Variants in CFAP221 observed in about 807,000 individuals in gnomAD.
The protein encoded by CFAP221 is cilia- and flagella-associated protein 221.
A neutral mutation model predicts 113.1 loss-of-function variants in CFAP221; 97 were observed. The observed-to-expected ratio is 0.86, with a 90% CI of 0.73 to 1.02. The LOEUF is 1.02. Among genes scored for constraint, CFAP221 ranks in the 50% least tolerant of loss-of-function variants. The pLI is 0.00. For missense variants in CFAP221, 1,025 were observed against 1,013.4 expected, an observed-to-expected ratio of 1.01 and a Z score of -0.16; for synonymous variants, 331 against 354.4, an observed-to-expected ratio of 0.93 and a Z score of 0.74.
chr2:119,587,038 T>C, intron 6 of CFAP221, 81 bp from the exon 7 acceptor site: 1 of 1,023,786 alleles, frequency 9.8e-7, no homozygotes, highest in Middle Eastern at 3.0e-4. Flanking sequence ...TTACGTAACT[T>C]GAGTCTCCAT....
At chr2:119,605,964 C>T (rs1437645459) in intron 11 of CFAP221, among the ~76,000 whole-genome samples, 2 of 152,094 alleles carry the variant, frequency 1.3e-5, no homozygotes. Context: ...GTGGAAACTA[C>T]TGAAATGTCT....
intron 8 of CFAP221, 154 bp downstream of exon 8, chr2:119,601,531 G>A: frequency 1.5e-6 from 1 of 677,374 alleles, no homozygotes; most frequent in Non-Finnish European, 2.3e-6. Flanking sequence ...AAACATAACA[G>A]AAATATAGAA....
intron 6 of CFAP221, among the ~76,000 whole-genome samples, chr2:119,566,468 C>T (rs564461249): frequency 2.6e-5 from 4 of 152,328 alleles, no homozygotes; most frequent in Admixed American, 2.6e-4. Context: ...CGTGTCACAG[C>T]ACTTTGTTTC....
chr2:119,604,359 G>A (rs1388380217), intron 8 of CFAP221, among the ~76,000 whole-genome samples: 6 of 151,984 alleles, frequency 3.9e-5, no homozygotes, highest in Non-Finnish European at 7.4e-5. Context: ...ACTTGAACCC[G>A]GGAGGCAGAG....
chr2:119,561,164 C>T (rs1032553164), intron 5 of CFAP221, among the ~76,000 whole-genome samples: 3 of 152,088 alleles, frequency 2.0e-5, no homozygotes, highest in African/African-American at 7.2e-5. Flanking sequence ...GTGGCATGCA[C>T]CTGTAGTCCC....
rs562767544 is a variant in CFAP221, at chr2:119,595,030, TG to T, written c.632-6187del. On this transcript the variant is annotated intron_variant, in intron 7 of 23. Coordinates refer to ENST00000413369, the MANE Select transcript of CFAP221 (RefSeq NM_001271049.2). ...TGGCTCCCAGGAGAGTCACCTGTCC[TG>T]TGTGCTGCTGTACAGTGGTCACGAC... Among the ~76,000 whole-genome samples, 176 of 152,312 alleles carry T rather than the reference TG, an allele frequency of 1.2e-3. 1 individual carries two copies. The highest frequency in any genetic ancestry group is 4.1e-3 in the African/African-American group (169 of 41,572).
intron 5 of CFAP221, among the ~76,000 whole-genome samples, chr2:119,560,449 C>T (rs905626008): frequency 6.6e-5 from 10 of 152,206 alleles, no homozygotes; most frequent in Non-Finnish European, 1.3e-4. Flanking sequence ...TCTGCAGAGG[C>T]AGCCCTGGTG....
At chr2:119,658,655 C>G (rs1688528100), downstream of CFAP221, among the ~76,000 whole-genome samples, 1 of 151,920 alleles carries the variant, frequency 6.6e-6, no homozygotes, top group Admixed American at 6.6e-5. Context: ...ATTTTCATCT[C>G]TCTATCTTTA....
Position 119,562,095 on chromosome 2 carries a change from A to G in CFAP221, c.508A>G (p.Asn170Asp). The G allele has an allele frequency of 7.2e-6, 11 of 1,533,980 alleles. No homozygotes were observed. The highest frequency in any genetic ancestry group is 2.4e-5 in the East Asian group (1 of 40,832). Reference sequence around the variant, plus strand: ...CTTTCCTTCATTTATAAATCTGTCAAATGTTCTACTTGGTGAAAGGTGAGT... The same window carrying G: ...CTTTCCTTCATTTATAAATCTGTCAGATGTTCTACTTGGTGAAAGGTGAGT... ...LDFPSFINLS[N>D]VLLGESKTYV... The change falls in exon 6 of 24, where the codon AAT (asparagine) becomes GAT (aspartate). Residue 170 changes from asparagine (N) to aspartate (D), a missense_variant. Transcript: ENST00000413369.
rs749450630 is a variant in CFAP221, at chr2:119,630,576, C to T, written c.1738C>T (p.Gln580Ter). 3 of 1,607,060 alleles carry T rather than the reference C, an allele frequency of 1.9e-6. No homozygotes were observed. The highest frequency in any genetic ancestry group is 1.1e-5 in the South Asian group (1 of 90,878). ...AATCTTCTTTCACCTTCAGGTTCCT[C>T]AACTGTACAAAATTAAGAGATATCA... ...SYSFFNLQVP[Q>*]LYKIKRYQPF... Residue 580 changes from glutamine (Q) to a stop codon, truncating the protein, a stop_gained, in exon 18 of 24, where the codon CAA becomes TAA. Coordinates refer to ENST00000413369, the MANE Select transcript of CFAP221 (RefSeq NM_001271049.2). LOFTEE classifies it high-confidence loss of function.
intron 16 of CFAP221, 57 bp from the exon 17 acceptor site, chr2:119,629,818 C>G: frequency 7.5e-7 from 1 of 1,338,426 alleles, no homozygotes; most frequent in Non-Finnish European, 1.1e-6. Flanking sequence ...GAAACAGAAG[C>G]ATAGCCACTC....
At chr2:119,550,832 C>T (rs981921043) in intron 3 of CFAP221, among the ~76,000 whole-genome samples, 1 of 152,094 alleles carries the variant, frequency 6.6e-6, no homozygotes, top group Non-Finnish European at 1.5e-5. Context: ...CAACCATTGC[C>T]ACAATCTAAG....
intron 5 of CFAP221, among the ~76,000 whole-genome samples, chr2:119,560,984 G>T (rs1413757115): frequency 6.6e-6 from 1 of 151,576 alleles, no homozygotes; most frequent in Non-Finnish European, 1.5e-5. Flanking sequence ...TTATTTTTTT[G>T]GAGTTTCAAT....
At chr2:119,617,227 T>C (rs1685588205) in intron 14 of CFAP221, among the ~76,000 whole-genome samples, 2 of 152,218 alleles carry the variant, frequency 1.3e-5, no homozygotes, top group South Asian at 4.1e-4. Context: ...CAGAGATCAC[T>C]GCCTTGGGGA....
At chr2:119,549,702 C>G (rs373660288) in intron 3 of CFAP221, among the ~76,000 whole-genome samples, 1 of 152,296 alleles carries the variant, frequency 6.6e-6, no homozygotes, top group East Asian at 1.9e-4. Context: ...CCAGGGCTTC[C>G]TTTTACCTGC....
chr2:119,555,189 C>T (rs754667480), intron 3 of CFAP221, among the ~76,000 whole-genome samples: 24 of 152,052 alleles, frequency 1.6e-4, no homozygotes, highest in South Asian at 2.1e-4. Context: ...GAGTGGGAAG[C>T]GGTTCTGAAA....
intron 6 of CFAP221, chr2:119,580,988 T>C (rs1682814572): frequency 6.6e-6 from 1 of 152,296 alleles, no homozygotes; most frequent in Non-Finnish European, 1.5e-5. Flanking sequence ...CAGAGGACAG[T>C]GTAAGGGACA....
chr2:119,552,098 A>G (rs919668563), intron 3 of CFAP221, among the ~76,000 whole-genome samples: 1 of 151,604 alleles, frequency 6.6e-6, no homozygotes, highest in East Asian at 1.9e-4. Context: ...AAAAGTTGCT[A>G]TACCAAAAAA....
At chr2:119,570,159 T>C (rs772699670) in intron 6 of CFAP221, among the ~76,000 whole-genome samples, 1 of 152,236 alleles carries the variant, frequency 6.6e-6, no homozygotes, top group Non-Finnish European at 1.5e-5. Flanking sequence ...AATCCTGTGA[T>C]TAAGTCTCAG....
Sources: allele counts gnomAD v4.1 joint callset (sites outside exome capture counted in the v4.1 genomes callset), GRCh38; gene constraint gnomAD v4.1.1; transcripts MANE v1.5; gene names NCBI Gene and HGNC (gene_info 2026-07-23, HGNC 2026-07-21).